The following CETP variants were observed in gnomAD, a reference collection of about 807,000 sequenced individuals.
The protein encoded by CETP is cholesteryl ester transfer protein, also known as BPI fold containing family F.
CETP carries 56 observed loss-of-function variants against 66.5 expected under a neutral mutation model. The ratio of observed to expected loss-of-function variants is 0.84; its 90% CI spans 0.68 to 1.05. The LOEUF is 1.05. Among genes scored for constraint, CETP ranks in the 50% least tolerant of loss-of-function variants. CETP has a pLI of 0.00. For synonymous variants in CETP, 251 were observed against 245.7 expected, an observed-to-expected ratio of 1.02 and a Z score of -0.20; for missense variants, 612 against 609.6, an observed-to-expected ratio of 1.00 and a Z score of -0.04.
intron 11 of CETP, among the ~76,000 whole-genome samples, chr16:56,978,536 A>G (rs373833060): frequency 5.9e-5 from 9 of 151,426 alleles, no homozygotes; most frequent in African/African-American, 1.7e-4. Flanking sequence ...GCTGGAGTGC[A>G]GCCTCACACT....
intron 2 of CETP, among the ~76,000 whole-genome samples, chr16:56,964,081 C>T (rs1251856565): frequency 3.3e-5 from 5 of 151,188 alleles, no homozygotes; most frequent in South Asian, 2.1e-4. Flanking sequence ...GGCTGGAGTG[C>T]AGTGGCACGA....
chr16:56,977,753 T>C (rs1241836943), intron 10 of CETP, among the ~76,000 whole-genome samples: 1 of 151,574 alleles, frequency 6.6e-6, no homozygotes, highest in Non-Finnish European at 1.5e-5. Flanking sequence ...TCTCATTCCA[T>C]CCTCAGGACA....
rs774389054 is a variant in CETP at position 56,983,282 on chromosome 16, T to C, written c.1322-44T>C. 3 of 1,577,506 alleles carry C rather than the reference T, an allele frequency of 1.9e-6. No homozygotes were observed. The African/African-American group carries it at 4.0e-5, about 21-fold the overall frequency. On this transcript the variant is annotated intron_variant, in intron 14 of 15. Coordinates refer to ENST00000200676, the MANE Select transcript of CETP (RefSeq NM_000078.3). ...GGGTGGCAGAGCCTCGGGCCGGCCTTGCTCCCCAAGAAGGGCTGACTGGGG... is the reference window on the plus strand; with the variant it reads ...GGGTGGCAGAGCCTCGGGCCGGCCTCGCTCCCCAAGAAGGGCTGACTGGGG...
Position 56,981,187 on chromosome 16 carries a change from T to C in CETP, c.1176T>C (p.Tyr392=). ...EDIVTTVQAS[Y]SKKKLFLSLL... The stretch of plus-strand genomic sequence containing the variant: ...TCGTGACTACCGTCCAGGCCTCCTA[T>C]TCTAAGAAAAAGCTCTTCTTAAGCC... The change falls in exon 12 of 16, where the codon TAT becomes TAC. Residue 392 remains tyrosine (Y), a synonymous_variant. Coordinates refer to ENST00000200676, the MANE Select transcript of CETP (RefSeq NM_000078.3). 1 of 1,613,918 alleles carries C rather than the reference T, an allele frequency of 6.2e-7. No homozygotes were observed. The highest frequency in any genetic ancestry group is 8.5e-7 in the Non-Finnish European group (1 of 1,179,772).
At chr16:56,972,775 G>A (rs1172230824) in intron 8 of CETP, among the ~76,000 whole-genome samples, 1 of 152,230 alleles carries the variant, frequency 6.6e-6, no homozygotes, top group African/African-American at 2.4e-5. Context: ...CAGAATGGAG[G>A]GAGAGATTGG....
chr16:56,969,557 C>T (rs1237850433), intron 3 of CETP, 37 bp downstream of exon 3: 1 of 1,614,072 alleles, frequency 6.2e-7, no homozygotes, highest in Non-Finnish European at 8.5e-7. Flanking sequence ...CATGCCCTGG[C>T]CCTCTCTGGG....
At chr16:56,973,958 G>C (rs556013907) in intron 9 of CETP, among the ~76,000 whole-genome samples, 5 of 152,276 alleles carry the variant, frequency 3.3e-5, no homozygotes, top group Non-Finnish European at 5.9e-5. Context: ...AACAGGACAG[G>C]GATTTTTACA....
intron 14 of CETP, 52 bp from the exon 15 acceptor site, chr16:56,983,274 G>T (rs2056201125): frequency 6.6e-7 from 1 of 1,518,806 alleles, no homozygotes; most frequent in Non-Finnish European, 9.1e-7. Context: ...AGAGCCTCGG[G>T]CCGGCCTTGC....
chr16:56,973,249 G>A (rs1273396921), intron 8 of CETP, 82 bp from the exon 9 acceptor site: 6 of 1,438,450 alleles, frequency 4.2e-6, no homozygotes, highest in East Asian at 4.6e-5. Context: ...CTGAATGCTG[G>A]GGCTCCTCCC....
Position 56,969,407 on chromosome 16 carries a change from C to A in CETP, c.255C>A (p.Ser85=). 1 of 1,614,104 alleles carries A rather than the reference C, an allele frequency of 6.2e-7. No individual in the cohort carries two copies. The change falls in exon 3 of 16, where the codon TCC becomes TCA. Residue 85 remains serine, a synonymous_variant. Coordinates refer to ENST00000200676, the MANE Select transcript of CETP (RefSeq NM_000078.3). ...GLHNIQISHL[S]IASSQVELVE... is the part of the protein sequence containing the mutation. The stretch of plus-strand genomic sequence containing the variant: ...CCAGCATCCAGATCAGCCACTTGTC[C>A]ATCGCCAGCAGCCAGGTGGAGCTGG...
rs1430805900 is a variant in CETP at position 56,969,512 on chromosome 16, T to C, written c.360T>C (p.Thr120=). ...FKGTLKYGYT[T]AWWLGIDQSI... ...GGACCCTGAAGTATGGCTACACCAC[T>C]GCCTGGTGGTAAGCATTCCTGTCAG... Residue 120 remains threonine, a synonymous_variant, in exon 3 of 16, where the codon ACT becomes ACC. Coordinates refer to ENST00000200676, the MANE Select transcript of CETP (RefSeq NM_000078.3). The C allele has an allele frequency of 4.3e-6, 7 of 1,614,226 alleles. No individual in the cohort carries two copies. The highest frequency in any genetic ancestry group is 5.9e-6 in the Non-Finnish European group (7 of 1,180,038).
intron 10 of CETP, among the ~76,000 whole-genome samples, chr16:56,976,218 T>C (rs2056149039): frequency 6.6e-6 from 1 of 151,468 alleles, no homozygotes; most frequent in Admixed American, 6.5e-5. Context: ...TCTCCCTGTG[T>C]CCTGATACCC....
rs1399626950 is a variant in CETP, at chr16:56,964,038, ATTTAT to A, written c.233+916_233+920del. Among the ~76,000 whole-genome samples the A allele has an allele frequency of 3.8e-5, 5 of 131,634 alleles. No individual in the cohort carries two copies. In the East Asian group the frequency reaches 1.2e-3, roughly 31 times the overall value. 86.4% of individuals were successfully genotyped at this position (131,634 alleles called of 152,430 possible). A position where few individuals can be genotyped will look rare whatever the true frequency, so the allele number is the denominator to read the frequency against. On this transcript the variant is annotated intron_variant, in intron 2 of 15. Transcript: ENST00000200676. ...TATTTATTTATTTATTTATTTATTT[ATTTAT>A]TGAGATGGAGTCTCTCACTGTCACC... is the stretch of plus-strand genomic sequence containing the variant.
intron 13 of CETP, 32 bp from the exon 14 acceptor site, chr16:56,982,133 G>A (rs1276363691): frequency 6.2e-7 from 1 of 1,600,536 alleles, no homozygotes; most frequent in Non-Finnish European, 8.6e-7. Context: ...CTGTGCTCCA[G>A]GGAGGACTCA....
chr16:56,983,618 T>C lies in CETP; in HGVS notation c.1434T>C (p.Phe478=), dbSNP rs2056204414. 1 of 1,614,154 alleles carries C rather than the reference T, an allele frequency of 6.2e-7. No homozygotes were observed. The highest frequency in any genetic ancestry group is 1.1e-5 in the South Asian group (1 of 91,090). The change falls in exon 16 of 16, where the codon TTT becomes TTC. Residue 478 remains phenylalanine, a synonymous_variant. Coordinates refer to ENST00000200676, the MANE Select transcript of CETP (RefSeq NM_000078.3). ...GCTTCCTGCTGCTGCAGATGGACTTTGGCTTCCCTGAGCACCTGCTGGTGG... is the reference window on the plus strand; with the variant it reads ...GCTTCCTGCTGCTGCAGATGGACTTCGGCTTCCCTGAGCACCTGCTGGTGG... The part of the protein sequence containing the change: ...RDGFLLLQMD[F]GFPEHLLVDF...
chr16:56,976,035 A>G (rs778185720), intron 10 of CETP, among the ~76,000 whole-genome samples: 11 of 152,136 alleles, frequency 7.2e-5, no homozygotes, highest in Non-Finnish European at 1.3e-4. Flanking sequence ...CTCCTTGCAC[A>G]TACACAACTC....
chr16:56,981,742 GCAGGCGGAGGGCCCTAAAGGAAAT>G, intron 13 of CETP, 62 bp downstream of exon 13: 2 of 1,547,650 alleles, frequency 1.3e-6, no homozygotes, highest in East Asian at 4.5e-5. Flanking sequence ...CTTAAAGAAA[GCAGGCGGAGGGCCCTAAAGGAAAT>G]CAGGCAACCA....
At chr16:56,969,861 G>T in intron 4 of CETP, 53 bp from the exon 5 acceptor site, 1 of 1,589,376 alleles carries the variant, frequency 6.3e-7, no homozygotes, top group Non-Finnish European at 8.6e-7. Context: ...GCAGCATGTG[G>T]ATACCATCTG....
Position 56,969,436 on chromosome 16 carries a change from A to G in CETP, c.284A>G (p.Glu95Gly). 1 of 1,614,146 alleles carries G rather than the reference A, an allele frequency of 6.2e-7. No homozygotes were observed. Among genetic ancestry groups the G allele is most frequent in the Non-Finnish European group, 8.5e-7 (1 of 1,180,028 alleles). ...SIASSQVELVEAKSIDVSIQN... is the reference protein window; with the variant it reads ...SIASSQVELVGAKSIDVSIQN... The stretch of plus-strand genomic sequence containing the variant: ...GCCAGCAGCCAGGTGGAGCTGGTGG[A>G]AGCCAAGTCCATTGATGTCTCCATT... The change falls in exon 3 of 16, where the codon GAA becomes GGA. Residue 95 changes from glutamate (E) to glycine (G), a missense_variant. Physicochemically the swap from Glu to Gly is moderately conservative, Grantham distance 98. Coordinates refer to ENST00000200676, the MANE Select transcript of CETP (RefSeq NM_000078.3).
Sources: allele counts gnomAD v4.1 joint callset (sites outside exome capture counted in the v4.1 genomes callset), GRCh38; gene constraint gnomAD v4.1.1; transcripts MANE v1.5; gene names NCBI Gene and HGNC (gene_info 2026-07-23, HGNC 2026-07-21).